Variants in MEGF11 observed in about 807,000 individuals in gnomAD.
The protein encoded by MEGF11 is multiple EGF like domains 11.
MEGF11 carries 126 observed loss-of-function variants against 146.6 expected under a neutral mutation model. The observed-to-expected ratio is 0.86, with a 90% confidence interval of 0.74 to 1.00. The LOEUF (loss-of-function observed/expected upper bound fraction) is 1.00. Ranked by LOEUF, MEGF11 falls within the 50% of genes least tolerant of loss-of-function variation. The pLI is 0.00. For missense variants in MEGF11, 1,509 were observed against 1,521.2 expected, an observed-to-expected ratio of 0.99 and a Z score of 0.13; for synonymous variants, 532 against 583.4, an observed-to-expected ratio of 0.91 and a Z score of 1.27.
chr15:65,961,630 C>T (rs911599632), intron 9 of MEGF11, among the ~76,000 whole-genome samples: 2 of 152,218 alleles, frequency 1.3e-5, no homozygotes, highest in African/African-American at 4.8e-5. Context: ...GTTGGAGAAT[C>T]TCACCAGCCA....
intron 10 of MEGF11, among the ~76,000 whole-genome samples, chr15:65,949,387 T>C (rs1183733497): frequency 6.6e-6 from 1 of 152,028 alleles, no homozygotes; most frequent in Non-Finnish European, 1.5e-5. Flanking sequence ...CAGAGAAAGG[T>C]GAGAAAAATG....
intron 5 of MEGF11, among the ~76,000 whole-genome samples, chr15:66,045,801 A>T (rs372930690): frequency 6.6e-6 from 1 of 152,114 alleles, no homozygotes; most frequent in East Asian, 1.9e-4. Context: ...AACCCTGTGC[A>T]ATAAAGATGA....
At chr15:65,949,821 C>G (rs571960429) in intron 10 of MEGF11, among the ~76,000 whole-genome samples, 10 of 152,330 alleles carry the variant, frequency 6.6e-5, no homozygotes, top group Non-Finnish European at 8.8e-5. Flanking sequence ...GTGGAGGAGG[C>G]TCCATCAGTC....
intron 5 of MEGF11, among the ~76,000 whole-genome samples, chr15:65,990,879 T>C (rs2082025348): frequency 6.6e-6 from 1 of 152,082 alleles, no homozygotes; most frequent in Non-Finnish European, 1.5e-5. Flanking sequence ...TGTGTTTGTA[T>C]GAAAAAGAAA....
At position 65,896,395 on chromosome 15, in the gene MEGF11, C is replaced by T. The variant is rs567415030; in HGVS notation, c.*1539G>A. ...TGATTATTGCCCAAAGTATTGTGTT[C>T]CATGGCAGGCTTCCAGTTTCTATCA... On this transcript the variant is annotated 3_prime_UTR_variant, in exon 26 of 26. Coordinates refer to ENST00000395614, the MANE Select transcript of MEGF11 (RefSeq NM_001385028.1). 4.6e-5 allele frequency: 7 copies of T among 152,562 alleles called. No individual in the cohort carries two copies. Among genetic ancestry groups the T allele is most frequent in the African/African-American group, 1.7e-4 (7 of 41,414 alleles). The allele number at this position is 152,562 out of a possible 1,614,324, so 9.5% of individuals were successfully genotyped here.
intron 1 of MEGF11, among the ~76,000 whole-genome samples, chr15:66,147,291 G>A (rs971272272): frequency 1.3e-5 from 2 of 152,120 alleles, no homozygotes; most frequent in African/African-American, 4.8e-5. Flanking sequence ...CGCAGCCCAG[G>A]GCCCTTGCCA....
chr15:66,116,043 C>T (rs146360989), intron 4 of MEGF11, among the ~76,000 whole-genome samples: 75 of 152,324 alleles, frequency 4.9e-4, no homozygotes, highest in African/African-American at 1.6e-3. Context: ...CTGCACCTCC[C>T]GCTGCAGCCC....
At position 66,093,171 on chromosome 15, in the gene MEGF11, A is replaced by G. The variant is rs75714092; in HGVS notation, c.394+1231T>C. ...ATTAGGGGGTTTCTTGGATACCTCA[A>G]ACAGATCATGGACTCCCTGAGCTAA... is the stretch of plus-strand genomic sequence containing the variant. On this transcript the variant is annotated intron_variant, in intron 5 of 25. Coordinates refer to ENST00000395614, the MANE Select transcript of MEGF11 (RefSeq NM_001385028.1). Among the ~76,000 whole-genome samples, 772 of 152,306 alleles carry G rather than the reference A, an allele frequency of 5.1e-3. 9 individuals are homozygous for G. Among genetic ancestry groups the G allele is most frequent in the African/African-American group, 0.018 (734 of 41,566 alleles).
intron 5 of MEGF11, among the ~76,000 whole-genome samples, chr15:65,991,461 A>G (rs968168957): frequency 6.6e-6 from 1 of 152,122 alleles, no homozygotes; most frequent in African/African-American, 2.4e-5. Context: ...ACCTCAGCAC[A>G]TTTTGGGCCA....
chr15:65,955,759 A>T (rs1156288232), intron 10 of MEGF11, among the ~76,000 whole-genome samples: 669 of 16,326 alleles, frequency 0.041, 35 homozygotes, highest in Admixed American at 0.067. Context: ...AAAAAAAAAA[A>T]AAATATATAT....
intron 5 of MEGF11, among the ~76,000 whole-genome samples, chr15:66,077,287 A>C (rs1247325987): frequency 6.6e-6 from 1 of 151,854 alleles, no homozygotes; most frequent in Non-Finnish European, 1.5e-5. Context: ...GAAACCTCAC[A>C]TCTCATCCTT....
chr15:66,195,016 A>C (rs1446903886), intron 1 of MEGF11, among the ~76,000 whole-genome samples: 2 of 142,060 alleles, frequency 1.4e-5, no homozygotes, highest in African/African-American at 5.8e-5. Context: ...ATTGTCCTTG[A>C]AAAAAAAAAC....
intron 7 of MEGF11, among the ~76,000 whole-genome samples, chr15:65,978,369 G>T (rs1020999233): frequency 6.6e-6 from 1 of 152,166 alleles, no homozygotes; most frequent in Non-Finnish European, 1.5e-5. Context: ...ATACAAATCT[G>T]CAAGTTAAAT....
At chr15:66,045,023 A>G (rs2084148091) in intron 5 of MEGF11, among the ~76,000 whole-genome samples, 1 of 152,176 alleles carries the variant, frequency 6.6e-6, no homozygotes. Context: ...ACAGTGCAAG[A>G]TGAAAAAGTA....
At chr15:65,942,974 C>CTTTT (rs58874869) in intron 10 of MEGF11, among the ~76,000 whole-genome samples, 1,407 of 47,488 alleles carry the variant, frequency 0.03, 88 homozygotes, top group Non-Finnish European at 0.041. Flanking sequence ...AACAACTTGG[C>CTTTT]TTTTTTTTTT....
At chr15:65,933,097 C>G (rs2079636745) in intron 10 of MEGF11, among the ~76,000 whole-genome samples, 1 of 152,162 alleles carries the variant, frequency 6.6e-6, no homozygotes, top group African/African-American at 2.4e-5. Context: ...TCTCTCCAGC[C>G]CTTTTCTGCT....
intron 1 of MEGF11, among the ~76,000 whole-genome samples, chr15:66,168,874 G>A (rs2090169237): frequency 6.6e-6 from 1 of 152,188 alleles, no homozygotes; most frequent in Admixed American, 6.5e-5. Flanking sequence ...TGTAATCCCA[G>A]CTACTTGGGA....
intron 1 of MEGF11, among the ~76,000 whole-genome samples, chr15:66,162,495 G>T (rs1416632013): frequency 6.6e-6 from 1 of 152,108 alleles, no homozygotes; most frequent in African/African-American, 2.4e-5. Flanking sequence ...CAAAAATGAC[G>T]TTATGCCAAG....
chr15:66,076,946 A>G (rs996076807), intron 5 of MEGF11, among the ~76,000 whole-genome samples: 4 of 152,242 alleles, frequency 2.6e-5, no homozygotes, highest in Non-Finnish European at 5.9e-5. Context: ...CAAAGCCTTC[A>G]GCATCCTCTC....
Sources: allele counts gnomAD v4.1 joint callset (sites outside exome capture counted in the v4.1 genomes callset), GRCh38; gene constraint gnomAD v4.1.1; transcripts MANE v1.5; gene names NCBI Gene and HGNC (gene_info 2026-07-23, HGNC 2026-07-21).